PLCL2: variants seen among roughly 807,000 people sequenced by gnomAD.
PLCL2 encodes the protein phospholipase C like 2, also known as inactive phospholipase C-like protein 2.
A neutral mutation model predicts 79.6 loss-of-function variants in PLCL2; 4 were observed. The ratio of observed to expected loss-of-function variants is 0.05; its 90% CI spans 0.02 to 0.11. PLCL2 has a LOEUF of 0.11. Ranked by LOEUF, PLCL2 falls within the 10% of genes least tolerant of loss-of-function variation. The pLI is 1.00. For synonymous variants in PLCL2, 484 were observed against 457.7 expected (o/e 1.06, Z -0.73); for missense variants, 895 against 1,291.0 (o/e 0.69, Z 4.70).
chr3:17,030,268 A>G (rs768653443), intron 3 of PLCL2, among the ~76,000 whole-genome samples: 21 of 152,194 alleles, frequency 1.4e-4, no homozygotes, highest in Non-Finnish European at 2.9e-4. Context: ...TTAGATCACA[A>G]CCTCAAAGGA....
At chr3:16,963,429 A>G (rs1197772619) in intron 1 of PLCL2, among the ~76,000 whole-genome samples, 1 of 152,182 alleles carries the variant, frequency 6.6e-6, no homozygotes, top group African/African-American at 2.4e-5. Context: ...GAGAAAATGT[A>G]TATTAGTAAT....
chr3:16,935,916 A>C (rs1201433130), intron 1 of PLCL2, among the ~76,000 whole-genome samples: 1 of 152,234 alleles, frequency 6.6e-6, no homozygotes, highest in Non-Finnish European at 1.5e-5. Context: ...TATGTAGTGC[A>C]ACCTGCATTT....
chr3:17,082,877 T>C (rs1414138567), intron 5 of PLCL2, among the ~76,000 whole-genome samples: 1 of 152,100 alleles, frequency 6.6e-6, no homozygotes, highest in Admixed American at 6.5e-5. Flanking sequence ...CTATTTGTAA[T>C]ATATATATAA....
At chr3:17,037,226 G>A (rs1200890549) in intron 3 of PLCL2, among the ~76,000 whole-genome samples, 1 of 152,164 alleles carries the variant, frequency 6.6e-6, no homozygotes, top group Non-Finnish European at 1.5e-5. Flanking sequence ...TCCTGAGCCT[G>A]GTGGTGCCTG....
At chr3:16,933,002 T>C (rs530495477) in intron 1 of PLCL2, 2 of 152,622 alleles carry the variant, frequency 1.3e-5, no homozygotes, top group Admixed American at 6.5e-5. Context: ...GCTGTAGAAA[T>C]TCGTAGTTTT....
intron 4 of PLCL2, among the ~76,000 whole-genome samples, chr3:17,051,359 C>A (rs772962712): frequency 2.0e-5 from 3 of 152,048 alleles, no homozygotes; most frequent in Non-Finnish European, 4.4e-5. Context: ...GATAGATATT[C>A]CATTTTCCAT....
intron 3 of PLCL2, among the ~76,000 whole-genome samples, chr3:17,022,210 C>T (rs2064462838): frequency 6.6e-6 from 1 of 152,168 alleles, no homozygotes; most frequent in South Asian, 2.1e-4. Flanking sequence ...AGTTAGGGAA[C>T]TTCTTTGTAA....
At chr3:16,994,132 C>T (rs1176549213) in intron 1 of PLCL2, among the ~76,000 whole-genome samples, 2 of 152,130 alleles carry the variant, frequency 1.3e-5, no homozygotes, top group East Asian at 3.8e-4. Flanking sequence ...TGAGATTTTG[C>T]TGGTTTTTAA....
intron 5 of PLCL2, among the ~76,000 whole-genome samples, chr3:17,085,769 A>G (rs1229485621): frequency 6.7e-6 from 1 of 149,720 alleles, no homozygotes; most frequent in Non-Finnish European, 1.5e-5. Flanking sequence ...CTTATATACC[A>G]GCAAAGAACA....
intron 3 of PLCL2, among the ~76,000 whole-genome samples, chr3:17,021,447 C>T (rs765912046): frequency 4.6e-5 from 7 of 152,086 alleles, no homozygotes; most frequent in Non-Finnish European, 7.4e-5. Flanking sequence ...ACACAGTGAT[C>T]GGGAGCTGGG....
At chr3:16,970,052 A>ATT (rs1222156599) in intron 1 of PLCL2, among the ~76,000 whole-genome samples, 14 of 138,450 alleles carry the variant, frequency 1.0e-4, no homozygotes, top group African/African-American at 3.7e-4. Flanking sequence ...ATATATATAT[A>ATT]TATATATTTT....
Position 16,957,476 on chromosome 3 carries a change from G to C in PLCL2, c.328-52198G>C, listed in dbSNP as rs577466217. On this transcript the variant is annotated intron_variant, in intron 1 of 5. Coordinates refer to ENST00000615277, the MANE Select transcript of PLCL2 (RefSeq NM_001144382.2). Reference sequence around the variant, plus strand: ...ATGTGGTCAATTTTGGAATAGGTGTGGTGTGGTGCTGAAAAAAATGTATAT... The same window carrying C: ...ATGTGGTCAATTTTGGAATAGGTGTCGTGTGGTGCTGAAAAAAATGTATAT... Among the ~76,000 whole-genome samples the C allele has an allele frequency of 2.0e-3, 310 of 152,254 alleles. 1 individual carries two copies. The highest frequency in any genetic ancestry group is 5.7e-3 in the African/African-American group (238 of 41,548).
chr3:17,027,908 C>T (rs550358667), intron 3 of PLCL2, among the ~76,000 whole-genome samples: 162 of 152,274 alleles, frequency 1.1e-3, no homozygotes, highest in Non-Finnish European at 2.0e-3. Context: ...TAATAGCGCC[C>T]GTGAGGCAAG....
intron 4 of PLCL2, among the ~76,000 whole-genome samples, chr3:17,060,142 A>C (rs1388971976): frequency 6.6e-6 from 1 of 152,150 alleles, no homozygotes; most frequent in African/African-American, 2.4e-5. Context: ...GTGTGTTTAG[A>C]ATGGTGGCAT....
At chr3:16,987,205 A>G (rs1002384454) in intron 1 of PLCL2, among the ~76,000 whole-genome samples, 7 of 152,132 alleles carry the variant, frequency 4.6e-5, no homozygotes, top group African/African-American at 1.7e-4. Context: ...AGGCAGAGCC[A>G]GACGTGGACC....
chr3:17,085,536 C>T (rs751803709), intron 5 of PLCL2, among the ~76,000 whole-genome samples: 86 of 151,114 alleles, frequency 5.7e-4, no homozygotes, highest in Non-Finnish European at 1.2e-3. Context: ...CTGCAAGCTC[C>T]ACCTCCTGGG....
intron 2 of PLCL2, among the ~76,000 whole-genome samples, chr3:17,013,185 A>C (rs542929632): frequency 6.6e-6 from 1 of 152,320 alleles, no homozygotes; most frequent in East Asian, 1.9e-4. Flanking sequence ...CGCATTGTCC[A>C]CTGCCCAGTG....
intron 1 of PLCL2, 43 bp downstream of exon 1, chr3:16,885,409 T>C: frequency 1.8e-6 from 1 of 555,174 alleles, no homozygotes; most frequent in Non-Finnish European, 3.2e-6. Context: ...TCAGCCGTCC[T>C]TGGATTCTAT....
intron 1 of PLCL2, among the ~76,000 whole-genome samples, chr3:16,945,448 G>A (rs2063592433): frequency 6.6e-6 from 1 of 152,154 alleles, no homozygotes. Flanking sequence ...ACAGCACCTA[G>A]AACATTGCCT....
Sources: allele counts gnomAD v4.1 joint callset (sites outside exome capture counted in the v4.1 genomes callset), GRCh38; gene constraint gnomAD v4.1.1; transcripts MANE v1.5; gene names NCBI Gene and HGNC (gene_info 2026-07-23, HGNC 2026-07-21).